Variants in PARN observed in about 807,000 individuals in gnomAD.
PARN encodes the protein poly(A)-specific ribonuclease PARN.
Under a neutral mutation model 102.8 loss-of-function variants are expected in PARN, and 71 were observed. The ratio of observed to expected loss-of-function variants is 0.69; its 90% CI spans 0.57 to 0.84. PARN has a LOEUF of 0.84. PARN is among the 40% of genes least tolerant of loss of function. The pLI is 0.00. For missense variants in PARN, 782 were observed against 760.9 expected (o/e 1.03, Z -0.33); for synonymous variants, 261 against 252.9 (o/e 1.03, Z -0.30).
chr16:14,591,390 TAAA>T (rs11352789), intron 13 of PARN, among the ~76,000 whole-genome samples: 13 of 139,098 alleles, frequency 9.3e-5, no homozygotes, highest in African/African-American at 1.3e-4. Flanking sequence ...ACTCCATCTC[TAAA>T]AAAAAAAAAA....
intron 22 of PARN, among the ~76,000 whole-genome samples, chr16:14,470,462 A>ATTG (rs1258213142): frequency 7.5e-6 from 1 of 133,452 alleles, no homozygotes; most frequent in East Asian, 1.9e-4. Flanking sequence ...TATTATTATT[A>ATTG]TTATTATTAT....
chr16:14,570,067 G>C (rs924616201), intron 18 of PARN, among the ~76,000 whole-genome samples: 1 of 152,080 alleles, frequency 6.6e-6, no homozygotes, highest in African/African-American at 2.4e-5. Flanking sequence ...GAGGCCGGGT[G>C]CGGTGGCTCA....
intron 18 of PARN, chr16:14,578,684 G>A (rs1463239392): frequency 6.6e-6 from 1 of 151,758 alleles, no homozygotes; most frequent in African/African-American, 2.4e-5. Context: ...AAAAAACACA[G>A]TTCTTATTTT....
At chr16:14,498,915 G>C (rs1320226456) in intron 21 of PARN, among the ~76,000 whole-genome samples, 1 of 152,174 alleles carries the variant, frequency 6.6e-6, no homozygotes, top group African/African-American at 2.4e-5. Context: ...TTATTTCATT[G>C]GTGAGTTCTG....
At chr16:14,468,795 T>C (rs1962524388) in intron 22 of PARN, among the ~76,000 whole-genome samples, 1 of 151,988 alleles carries the variant, frequency 6.6e-6, no homozygotes, top group African/African-American at 2.4e-5. Flanking sequence ...CAATCCTAGC[T>C]GCTTGGGAGG....
rs1972894846 is a variant in PARN, at chr16:14,629,485, C to T, written c.97+112G>A. ...TGAGACCTGTGAAACCCGCCCAAGG[C>T]TACTAACAGCAAGAGGCCACCACCA... On this transcript the variant is annotated intron_variant, in intron 2 of 23. Transcript: ENST00000437198. The T allele has an allele frequency of 3.8e-6, 3 of 782,160 alleles. No homozygotes were observed. The African/African-American group carries it at 5.2e-5, about 13-fold the overall frequency. The allele number at this position is 782,160 out of a possible 1,614,324, so 48.5% of individuals were successfully genotyped here. A position where few individuals can be genotyped will look rare whatever the true frequency, so the allele number is the denominator to read the frequency against.
intron 21 of PARN, among the ~76,000 whole-genome samples, chr16:14,521,575 G>A (rs949949060): frequency 6.6e-6 from 1 of 152,172 alleles, no homozygotes; most frequent in Non-Finnish European, 1.5e-5. Context: ...GCGGCGGGCG[G>A]ATCACCTGAG....
At chr16:14,548,909 G>C (rs1390219231) in intron 21 of PARN, among the ~76,000 whole-genome samples, 1 of 151,410 alleles carries the variant, frequency 6.6e-6, no homozygotes, top group Admixed American at 6.6e-5. Flanking sequence ...AGTCGAGTTT[G>C]TGCCACCCCA....
At chr16:14,536,328 A>G (rs1282935489) in intron 21 of PARN, among the ~76,000 whole-genome samples, 1 of 152,216 alleles carries the variant, frequency 6.6e-6, no homozygotes, top group African/African-American at 2.4e-5. Flanking sequence ...CACAGCTAAT[A>G]TTAATCAACT....
At chr16:14,615,303 G>GA (rs201764886) in intron 6 of PARN, among the ~76,000 whole-genome samples, 6,070 of 129,188 alleles carry the variant, frequency 0.047, 133 homozygotes, top group African/African-American at 0.055. Flanking sequence ...TCTTTTATGG[G>GA]AAAAAAAAAA....
chr16:14,461,761 T>C (rs566559373), intron 22 of PARN, among the ~76,000 whole-genome samples: 7 of 152,368 alleles, frequency 4.6e-5, no homozygotes, highest in Non-Finnish European at 7.3e-5. Context: ...TGGTTCCTTA[T>C]GACACTTTCA....
At chr16:14,560,187 G>A (rs1284660653) in intron 18 of PARN, among the ~76,000 whole-genome samples, 1 of 152,178 alleles carries the variant, frequency 6.6e-6, no homozygotes, top group African/African-American at 2.4e-5. Context: ...AAATGCACTA[G>A]GCAAGCAGAA....
In PARN at chr16:14,604,847, C is replaced by A. The variant is rs146585970; in HGVS notation, c.703-621G>T. On this transcript the variant is annotated intron_variant, in intron 10 of 23. Coordinates refer to ENST00000437198, the MANE Select transcript of PARN (RefSeq NM_002582.4). Reference sequence around the variant, plus strand: ...CCCAGGCTGGTCTCAAACTCCTGACCTCAAGTGATCTGCCCACCTTGGCAT... The same window carrying A: ...CCCAGGCTGGTCTCAAACTCCTGACATCAAGTGATCTGCCCACCTTGGCAT... 4.7e-4 allele frequency among the ~76,000 whole-genome samples: 72 copies of A among 152,056 alleles called. No homozygotes were observed. The East Asian group carries it at 0.013, about 27-fold the overall frequency.
Position 14,584,561 on chromosome 16 carries a change from GT to G in PARN, c.1006-140del, listed in dbSNP as rs926122818. 17 of 799,180 alleles carry G rather than the reference GT, an allele frequency of 2.1e-5. No homozygotes were observed. The Admixed American group carries it at 2.5e-4, about 12-fold the overall frequency. The allele number at this position is 799,180 out of a possible 1,614,324, so 49.5% of individuals were successfully genotyped here. A position where few individuals can be genotyped will look rare whatever the true frequency, so the allele number is the denominator to read the frequency against. ...TCTTTAAAGAAACACAGAAGTCTTCGTTTTTTTCAATGTGAAAGAGAAGCAG... is the reference window on the plus strand; with the variant it reads ...TCTTTAAAGAAACACAGAAGTCTTCGTTTTTTCAATGTGAAAGAGAAGCAG... On this transcript the variant is annotated intron_variant, in intron 15 of 23. Coordinates refer to ENST00000437198, the MANE Select transcript of PARN (RefSeq NM_002582.4).
At chr16:14,630,081 CG>C in intron 1 of PARN, 25 bp downstream of exon 1, 2 of 1,550,560 alleles carry the variant, frequency 1.3e-6, no homozygotes, top group Non-Finnish European at 1.7e-6. Context: ...TGTGGGGAGG[CG>C]GGGAGGTGTA....
At chr16:14,523,365 C>T (rs558361854) in intron 21 of PARN, among the ~76,000 whole-genome samples, 8 of 152,200 alleles carry the variant, frequency 5.3e-5, no homozygotes, top group East Asian at 1.9e-4. Flanking sequence ...AAACCCTACA[C>T]TTAACAGTTA....
chr16:14,436,839 T>C, intron 23 of PARN, 67 bp from the exon 24 acceptor site: 7 of 1,166,236 alleles, frequency 6.0e-6, no homozygotes, highest in Admixed American at 6.0e-5. Context: ...GAGCATGACA[T>C]GACCAGCAGA....
At chr16:14,454,185 G>C (rs986905820) in intron 22 of PARN, among the ~76,000 whole-genome samples, 2 of 152,134 alleles carry the variant, frequency 1.3e-5, no homozygotes, top group Non-Finnish European at 2.9e-5. Flanking sequence ...TAGATACGCA[G>C]TTTGAAAATT....
rs1970314283 is a variant in PARN at position 14,593,394 on chromosome 16, G to A, written c.841-16C>T. 4 of 1,344,110 alleles carry A rather than the reference G, an allele frequency of 3.0e-6. No individual in the cohort carries two copies. The South Asian group carries it at 4.7e-5, about 16-fold the overall frequency. The allele number at this position is 1,344,110 out of a possible 1,614,324, so 83.3% of individuals were successfully genotyped here. ...CAAGTTTTCCCTAAAGAAAGTCAAGGTTAGAAAAAAGACTTCTACATTCGA... is the reference window on the plus strand; with the variant it reads ...CAAGTTTTCCCTAAAGAAAGTCAAGATTAGAAAAAAGACTTCTACATTCGA... On this transcript the variant is annotated splice_polypyrimidine_tract_variant and intron_variant, in intron 12 of 23. Transcript: ENST00000437198.
Sources: allele counts gnomAD v4.1 joint callset (sites outside exome capture counted in the v4.1 genomes callset), GRCh38; gene constraint gnomAD v4.1.1; transcripts MANE v1.5; gene names NCBI Gene and HGNC (gene_info 2026-07-23, HGNC 2026-07-21).